The following NAALADL2 variants were observed in gnomAD, a reference collection of about 807,000 sequenced individuals.
NAALADL2 encodes the protein inactive N-acetylated-alpha-linked acidic dipeptidase-like protein 2.
Under a neutral mutation model 87.2 loss-of-function variants are expected in NAALADL2, and 76 were observed. The observed-to-expected ratio is 0.87, with a 90% confidence interval of 0.72 to 1.05. The LOEUF (loss-of-function observed/expected upper bound fraction) is 1.05. NAALADL2 is among the 50% of genes least tolerant of loss of function. NAALADL2 has a pLI of 0.00. For missense variants in NAALADL2, 1,089 were observed against 945.8 expected (o/e 1.15, Z -1.99); for synonymous variants, 354 against 331.0 (o/e 1.07, Z -0.75).
chr3:174,944,547 T>C (rs562806067), intron 1 of NAALADL2, among the ~76,000 whole-genome samples: 2 of 152,334 alleles, frequency 1.3e-5, no homozygotes, highest in South Asian at 4.1e-4. Context: ...AGACTGTCAC[T>C]GCTTAGCATC....
intron 1 of NAALADL2, among the ~76,000 whole-genome samples, chr3:175,080,322 A>G (rs2109232723): frequency 6.6e-6 from 1 of 152,364 alleles, no homozygotes; most frequent in East Asian, 1.9e-4. Context: ...TATCTTAGTT[A>G]ACATAACTTA....
At chr3:174,604,106 T>C (rs144659822) in intron 2 of NAALADL2, among the ~76,000 whole-genome samples, 5 of 152,296 alleles carry the variant, frequency 3.3e-5, no homozygotes, top group East Asian at 1.9e-4. Context: ...TTATATCCAA[T>C]ATTTTTGTTG....
intron 3 of NAALADL2, among the ~76,000 whole-genome samples, chr3:174,770,599 G>C (rs199851175): frequency 6.6e-6 from 1 of 152,128 alleles, no homozygotes; most frequent in East Asian, 1.9e-4. Flanking sequence ...CCAGCACTTT[G>C]GGAGGCCGAG....
chr3:175,592,307 C>CTTTTTTTTTTTTTTTT (rs758914649), intron 10 of NAALADL2, among the ~76,000 whole-genome samples: 7 of 43,246 alleles, frequency 1.6e-4, no homozygotes, highest in African/African-American at 2.4e-4. Context: ...TTTTTCTTTT[C>CTTTTTTTTTTTTTTTT]TTTTTTTTTT....
intron 9 of NAALADL2, among the ~76,000 whole-genome samples, chr3:175,533,950 G>A (rs1311692789): frequency 1.3e-5 from 2 of 151,540 alleles, no homozygotes; most frequent in African/African-American, 4.9e-5. Flanking sequence ...CTCCACATAT[G>A]GTCAAAGGTA....
intron 3 of NAALADL2, among the ~76,000 whole-genome samples, chr3:174,819,335 G>C (rs1314995810): frequency 6.6e-6 from 1 of 151,490 alleles, no homozygotes; most frequent in East Asian, 1.9e-4. Context: ...AAAGTGCTGG[G>C]ATTACAAGCA....
intron 5 of NAALADL2, among the ~76,000 whole-genome samples, chr3:175,350,060 A>C (rs1200696203): frequency 6.6e-6 from 1 of 151,724 alleles, no homozygotes; most frequent in Non-Finnish European, 1.5e-5. Flanking sequence ...TGATTGAAAA[A>C]AAAAAAAAGG....
chr3:174,849,671 G>T (rs1336284174), intron 3 of NAALADL2, among the ~76,000 whole-genome samples: 4 of 146,500 alleles, frequency 2.7e-5, no homozygotes, highest in Admixed American at 7.0e-5. Context: ...GGAGGCGGAG[G>T]TTGCAATGAG....
intron 2 of NAALADL2, among the ~76,000 whole-genome samples, chr3:174,667,818 A>AATTCT (rs1206012236): frequency 1.3e-5 from 2 of 152,028 alleles, no homozygotes; most frequent in African/African-American, 4.8e-5. Flanking sequence ...GAACAGGAGG[A>AATTCT]ATTGGAAAAA....
chr3:175,164,998 G>T (rs1733775752), intron 2 of NAALADL2, among the ~76,000 whole-genome samples: 1 of 152,160 alleles, frequency 6.6e-6, no homozygotes, highest in Non-Finnish European at 1.5e-5. Flanking sequence ...GCCTTCAGCA[G>T]GTATCTACTG....
intron 2 of NAALADL2, among the ~76,000 whole-genome samples, chr3:174,710,230 C>CTTTTTTTTTTTTTTTTTTT (rs57899491): frequency 7.3e-6 from 1 of 136,356 alleles, no homozygotes; most frequent in Non-Finnish European, 1.6e-5. Flanking sequence ...TATGAGCCTC[C>CTTTTTTTTTTTTTTTTTTT]TTTTTTTTTT....
chr3:174,742,609 C>T (rs1031156555), intron 3 of NAALADL2, among the ~76,000 whole-genome samples: 1 of 151,584 alleles, frequency 6.6e-6, no homozygotes, highest in African/African-American at 2.4e-5. Context: ...ATTTACTTTT[C>T]TGTTACATAA....
intron 2 of NAALADL2, among the ~76,000 whole-genome samples, chr3:174,657,041 C>CTTTTTTTT (rs60569510): frequency 2.5e-4 from 29 of 115,812 alleles, no homozygotes; most frequent in Middle Eastern, 4.1e-3. Flanking sequence ...TTTCCTTCTT[C>CTTTTTTTT]TTTTTTTTTT....
intron 2 of NAALADL2, among the ~76,000 whole-genome samples, chr3:175,119,154 C>A (rs1480804849): frequency 1.3e-5 from 2 of 151,040 alleles, no homozygotes; most frequent in East Asian, 3.9e-4. Context: ...GTTAGATTTA[C>A]ACATTTCAAA....
chr3:175,011,229 A>G (rs889490250), intron 1 of NAALADL2, among the ~76,000 whole-genome samples: 10 of 151,458 alleles, frequency 6.6e-5, no homozygotes, highest in Non-Finnish European at 5.9e-5. Flanking sequence ...TTACAGATTC[A>G]GCCACAGAGA....
intron 6 of NAALADL2, among the ~76,000 whole-genome samples, chr3:175,451,607 A>G (rs963643193): frequency 3.3e-5 from 5 of 152,178 alleles, no homozygotes; most frequent in Admixed American, 3.3e-4. Flanking sequence ...AAATCCATTA[A>G]TGTAATTTAG....
At chr3:174,518,105 G>A (rs1720044052) in intron 1 of NAALADL2, among the ~76,000 whole-genome samples, 1 of 152,060 alleles carries the variant, frequency 6.6e-6, no homozygotes, top group Non-Finnish European at 1.5e-5. Context: ...CTAACCAGCT[G>A]TAGTCAATTT....
At chr3:175,769,773 A>C (rs1292644326) in intron 13 of NAALADL2, among the ~76,000 whole-genome samples, 1 of 151,792 alleles carries the variant, frequency 6.6e-6, no homozygotes, top group Admixed American at 6.6e-5. Flanking sequence ...TCTGTGTGTA[A>C]TTTTAAGGAA....
intron 1 of NAALADL2, among the ~76,000 whole-genome samples, chr3:174,509,723 G>A (rs1313077427): frequency 6.6e-6 from 1 of 151,692 alleles, no homozygotes; most frequent in Non-Finnish European, 1.5e-5. Flanking sequence ...ACCGAGCACA[G>A]CTGTCTCTTC....
Sources: gnomAD v4.1 joint callset for allele counts (sites outside exome capture counted in the v4.1 genomes callset) on GRCh38, gnomAD v4.1.1 for gene constraint, MANE v1.5 for transcripts, NCBI Gene and HGNC (gene_info 2026-07-23, HGNC 2026-07-21) for gene names.